Variants in KCNH8 observed in about 807,000 individuals in gnomAD.
The protein encoded by KCNH8 is potassium voltage-gated channel subfamily H member 8, also known as voltage-gated delayed rectifier potassium channel KCNH8.
Under a neutral mutation model 103.6 loss-of-function variants are expected in KCNH8, and 70 were observed. The observed-to-expected ratio is 0.68, with a 90% CI of 0.56 to 0.82. The LOEUF is 0.82. Among genes scored for constraint, KCNH8 ranks in the 40% least tolerant of loss-of-function variants. The probability of loss-of-function intolerance (pLI) is 0.00; values close to 1 mark genes in which losing one functional copy is unlikely to be tolerated. For missense variants in KCNH8, 1,217 were observed against 1,329.9 expected (o/e 0.92, Z 1.32); for synonymous variants, 498 against 489.4 (o/e 1.02, Z -0.23).
chr3:19,267,496 ATTATC>A (rs906440699), intron 2 of KCNH8, among the ~76,000 whole-genome samples: 15 of 152,214 alleles, frequency 9.9e-5, no homozygotes, highest in African/African-American at 2.4e-4. Flanking sequence ...TGTAGTAAAA[ATTATC>A]TTATCATAGA....
At chr3:19,342,326 G>T (rs1170906856) in intron 3 of KCNH8, among the ~76,000 whole-genome samples, 1 of 152,024 alleles carries the variant, frequency 6.6e-6, no homozygotes, top group Non-Finnish European at 1.5e-5. Context: ...ACCCATTAAT[G>T]ATTTCCTGAA....
intron 1 of KCNH8, among the ~76,000 whole-genome samples, chr3:19,215,275 G>A (rs551980634): frequency 6.6e-6 from 1 of 152,276 alleles, no homozygotes; most frequent in South Asian, 2.1e-4. Flanking sequence ...TGCCTTTTAG[G>A]TAAATAATCT....
At chr3:19,409,938 C>A (rs1325627560) in intron 7 of KCNH8, among the ~76,000 whole-genome samples, 1 of 151,750 alleles carries the variant, frequency 6.6e-6, no homozygotes, top group Non-Finnish European at 1.5e-5. Context: ...TATTCAAGAC[C>A]CCACGAACAG....
At chr3:19,230,774 G>A (rs1033549193) in intron 1 of KCNH8, among the ~76,000 whole-genome samples, 2 of 152,196 alleles carry the variant, frequency 1.3e-5, no homozygotes, top group African/African-American at 4.8e-5. Flanking sequence ...ATTTATGAGT[G>A]TGTACTTGTA....
In KCNH8 at chr3:19,534,129, T is replaced by G. The variant is rs1462825111; in HGVS notation, c.*30T>G. 1 of 1,526,030 alleles carries G rather than the reference T, an allele frequency of 6.6e-7. No individual in the cohort carries two copies. The highest frequency in any genetic ancestry group is 9.0e-7 in the Non-Finnish European group (1 of 1,107,802). 94.5% of individuals were successfully genotyped at this position (1,526,030 alleles called of 1,614,324 possible). A position where few individuals can be genotyped will look rare whatever the true frequency, so the allele number is the denominator to read the frequency against. On this transcript the variant is annotated 3_prime_UTR_variant, in exon 16 of 16. Coordinates refer to ENST00000328405, the MANE Select transcript of KCNH8 (RefSeq NM_144633.3). ...AGTGCCCATGATGCAGCAGCTAATT[T>G]CAAACCTACCACTGCATGACAGTTT...
intron 6 of KCNH8, chr3:19,391,753 C>G (rs2066440959): frequency 2.0e-5 from 3 of 151,894 alleles, no homozygotes. Context: ...GGAAAGCTCC[C>G]AGGAAAAATC....
intron 7 of KCNH8, among the ~76,000 whole-genome samples, chr3:19,409,473 G>T (rs780237861): frequency 1.3e-5 from 2 of 151,958 alleles, no homozygotes; most frequent in Non-Finnish European, 2.9e-5. Context: ...ATTACACAGC[G>T]AACAGCTAAC....
intron 1 of KCNH8, among the ~76,000 whole-genome samples, chr3:19,247,483 G>A (rs1387294144): frequency 6.6e-6 from 1 of 152,168 alleles, no homozygotes; most frequent in Non-Finnish European, 1.5e-5. Flanking sequence ...GAACCTGCAT[G>A]TAAAGGTAAT....
At chr3:19,431,985 TCTCTA>T (rs1160315871) in intron 7 of KCNH8, among the ~76,000 whole-genome samples, 2 of 150,918 alleles carry the variant, frequency 1.3e-5, no homozygotes, top group Non-Finnish European at 2.9e-5. Flanking sequence ...GTTTTTCGTG[TCTCTA>T]CTCCTTCAGT....
chr3:19,171,644 A>G (rs984951874), intron 1 of KCNH8, among the ~76,000 whole-genome samples: 9 of 152,186 alleles, frequency 5.9e-5, no homozygotes, highest in African/African-American at 2.2e-4. Flanking sequence ...GATCCACTTA[A>G]ATGATCTCAT....
chr3:19,472,859 CTCA>C (rs1342376293), intron 11 of KCNH8, among the ~76,000 whole-genome samples: 1 of 152,152 alleles, frequency 6.6e-6, no homozygotes, highest in African/African-American at 2.4e-5. Context: ...CAAAATACAT[CTCA>C]TCTTTTTTTA....
chr3:19,343,947 C>T (rs1431391148), intron 4 of KCNH8, among the ~76,000 whole-genome samples: 1 of 150,318 alleles, frequency 6.7e-6, no homozygotes, highest in East Asian at 2.0e-4. Context: ...CAACCATGTC[C>T]GTGCTGGTGT....
Position 19,495,697 on chromosome 3 carries a change from G to A in KCNH8, c.2041-14666G>A, listed in dbSNP as rs139225077. Among the ~76,000 whole-genome samples the A allele has an allele frequency of 9.3e-3, 1,414 of 151,796 alleles. 16 individuals carry two copies. The highest frequency in any genetic ancestry group is 0.032 in the African/African-American group (1,308 of 41,372). ...CCTTTGCTATTCAGGCTCTTTTTTA[G>A]TTTTGTACAAATTTAAATTTTTTTT... is the stretch of plus-strand genomic sequence containing the variant. On this transcript the variant is annotated intron_variant, in intron 11 of 15. Transcript: ENST00000328405.
intron 2 of KCNH8, among the ~76,000 whole-genome samples, chr3:19,264,913 C>T (rs1166371897): frequency 6.6e-6 from 1 of 152,022 alleles, no homozygotes; most frequent in Non-Finnish European, 1.5e-5. Context: ...GACTCCTGAC[C>T]CCTTGTACTC....
chr3:19,491,157 G>T (rs1236748099), intron 11 of KCNH8, among the ~76,000 whole-genome samples: 1 of 152,156 alleles, frequency 6.6e-6, no homozygotes, highest in African/African-American at 2.4e-5. Flanking sequence ...ATATATATAT[G>T]TGTGAGTGTG....
rs536945377 is a variant in KCNH8, at chr3:19,157,891, G to C, written c.76+9096G>C. On this transcript the variant is annotated intron_variant, in intron 1 of 15. Coordinates refer to ENST00000328405, the MANE Select transcript of KCNH8 (RefSeq NM_144633.3). ...ATTAGTAACACGAATTGTATACATT[G>C]TCCCAGTTTTGGTTGGTCTTTTGAT... is the stretch of plus-strand genomic sequence containing the variant. Among the ~76,000 whole-genome samples the C allele has an allele frequency of 9.6e-4, 146 of 151,642 alleles. 1 individual carries two copies. The highest frequency in any genetic ancestry group is 2.9e-3 in the African/African-American group (119 of 41,434).
chr3:19,357,606 C>CT (rs2065896142), intron 5 of KCNH8, among the ~76,000 whole-genome samples: 1 of 151,824 alleles, frequency 6.6e-6, no homozygotes, highest in Non-Finnish European at 1.5e-5. Context: ...TACTGTGAGA[C>CT]TAAGAAGTGA....
rs566495360 is a variant in KCNH8, at chr3:19,306,923, C to CA, written c.442+25601dup. On this transcript the variant is annotated intron_variant, in intron 3 of 15. Coordinates refer to ENST00000328405, the MANE Select transcript of KCNH8 (RefSeq NM_144633.3). The stretch of plus-strand genomic sequence containing the variant: ...CCCAAATAGCCAAAGCAATCCTGAG[C>CA]AAAAAAAGAAGAAACCTGGCAGTAT... Among the ~76,000 whole-genome samples, 732 of 151,662 alleles carry CA rather than the reference C, an allele frequency of 4.8e-3. 5 individuals carry two copies. The highest frequency in any genetic ancestry group is 0.028 in the South Asian group (135 of 4,800).
At chr3:19,474,527 T>C (rs1483177852) in intron 11 of KCNH8, among the ~76,000 whole-genome samples, 1 of 152,114 alleles carries the variant, frequency 6.6e-6, no homozygotes, top group African/African-American at 2.4e-5. Flanking sequence ...ACCTCGAAAT[T>C]ATGAATGTGA....
Sources: gnomAD v4.1 joint callset for allele counts (sites outside exome capture counted in the v4.1 genomes callset) on GRCh38, gnomAD v4.1.1 for gene constraint, MANE v1.5 for transcripts, NCBI Gene and HGNC (gene_info 2026-07-23, HGNC 2026-07-21) for gene names.